Variants in DIAPH2 observed in about 807,000 individuals in gnomAD.
The protein encoded by DIAPH2 is protein diaphanous homolog 2.
In DIAPH2, 35 loss-of-function variants were observed where a neutral mutation model predicts 92.7. The ratio of observed to expected loss-of-function variants is 0.38; its 90% CI spans 0.29 to 0.50. The LOEUF (loss-of-function observed/expected upper bound fraction) is 0.50, where lower values mean the gene tolerates loss of function less well. Ranked by LOEUF, DIAPH2 falls within the 20% of genes least tolerant of loss-of-function variation. The pLI is 0.94. For synonymous variants in DIAPH2, 301 were observed against 280.4 expected, an observed-to-expected ratio of 1.07 and a Z score of -0.73; for missense variants, 701 against 819.5, an observed-to-expected ratio of 0.86 and a Z score of 1.77.
chrX:97,129,313 C>T (rs1234950112), intron 21 of DIAPH2, among the ~76,000 whole-genome samples: 1 of 108,089 alleles, frequency 9.3e-6, no homozygotes, highest in African/African-American at 3.4e-5. Flanking sequence ...ACTACAGGTG[C>T]ACACCACCGT....
chrX:96,773,582 C>T (rs2064355055), intron 4 of DIAPH2, among the ~76,000 whole-genome samples: 1 of 111,712 alleles, frequency 9.0e-6, no homozygotes, highest in Admixed American at 9.5e-5. Context: ...GGTGATGTGG[C>T]TCATGCCTGT....
intron 22 of DIAPH2, among the ~76,000 whole-genome samples, chrX:97,198,667 G>T (rs1164397497): frequency 9.0e-6 from 1 of 111,037 alleles, no homozygotes; most frequent in Non-Finnish European, 1.9e-5. Flanking sequence ...TTAAGCTAAT[G>T]ATCCATGCCA....
At chrX:97,122,316 T>TAGA (rs2067064049) in intron 21 of DIAPH2, among the ~76,000 whole-genome samples, 1 of 111,888 alleles carries the variant, frequency 8.9e-6, no homozygotes, top group African/African-American at 3.2e-5. Context: ...GCCTATATAT[T>TAGA]TGTAATAAAA....
intron 10 of DIAPH2, among the ~76,000 whole-genome samples, chrX:96,931,833 A>G (rs1228313985): frequency 9.0e-6 from 1 of 111,182 alleles, no homozygotes; most frequent in Non-Finnish European, 1.9e-5. Flanking sequence ...AATCCATTTT[A>G]ATAAGATGTA....
At chrX:97,410,048 G>C (rs138123628) in intron 25 of DIAPH2, among the ~76,000 whole-genome samples, 185 of 112,242 alleles carry the variant, frequency 1.6e-3, no homozygotes, top group African/African-American at 5.7e-3. Flanking sequence ...TTTGAGCTCT[G>C]AGAACAGACT....
At chrX:97,511,401 A>G (rs2070891390) in intron 26 of DIAPH2, among the ~76,000 whole-genome samples, 1 of 96,423 alleles carries the variant, frequency 1.0e-5, no homozygotes, top group South Asian at 5.3e-4. Context: ...GCTTGAGGAG[A>G]TTTTGTGCTG....
intron 9 of DIAPH2, among the ~76,000 whole-genome samples, chrX:96,926,959 A>C (rs1458260199): frequency 8.9e-6 from 1 of 111,743 alleles, no homozygotes; most frequent in Non-Finnish European, 1.9e-5. Context: ...GCCATTATAA[A>C]GACACTAAGC....
At chrX:96,852,540 C>G (rs769546953) in intron 4 of DIAPH2, among the ~76,000 whole-genome samples, 1 of 111,674 alleles carries the variant, frequency 9.0e-6, no homozygotes, top group African/African-American at 3.3e-5. Flanking sequence ...AGAGAGCACT[C>G]TCTGTTGAGA....
At chrX:97,509,095 G>A (rs1040886295) in intron 26 of DIAPH2, among the ~76,000 whole-genome samples, 7 of 108,402 alleles carry the variant, frequency 6.5e-5, no homozygotes, top group African/African-American at 2.3e-4. Flanking sequence ...CGCCGAGGCT[G>A]GAGTGCAGTG....
chrX:97,329,100 A>T (rs1435306049), intron 23 of DIAPH2, among the ~76,000 whole-genome samples: 1 of 112,142 alleles, frequency 8.9e-6, no homozygotes, highest in Non-Finnish European at 1.9e-5. Context: ...GGTTTCTCTT[A>T]TGCCCAGGTT....
chrX:97,070,889 A>T (rs2066665166), intron 17 of DIAPH2, among the ~76,000 whole-genome samples: 1 of 111,959 alleles, frequency 8.9e-6, no homozygotes, highest in South Asian at 3.7e-4. Context: ...TATTTTAATT[A>T]AAAAATGCAA....
chrX:97,598,175 A>G (rs1269515317), intron 26 of DIAPH2, among the ~76,000 whole-genome samples: 1 of 111,904 alleles, frequency 8.9e-6, no homozygotes, highest in Non-Finnish European at 1.9e-5. Flanking sequence ...GGAAATGAGT[A>G]GCAGCTTGGG....
chrX:97,489,060 G>T (rs2070707765), intron 26 of DIAPH2, among the ~76,000 whole-genome samples: 1 of 111,552 alleles, frequency 9.0e-6, no homozygotes, highest in South Asian at 3.7e-4. Context: ...ACAATATTAA[G>T]TCTTTCACTG....
intron 21 of DIAPH2, among the ~76,000 whole-genome samples, chrX:97,130,391 C>CAT (rs1323836613): frequency 9.0e-6 from 1 of 111,562 alleles, no homozygotes; most frequent in East Asian, 2.8e-4. Context: ...CAAAGTGTGG[C>CAT]ATATATACAA....
At chrX:97,295,477 A>G (rs1165167010) in intron 23 of DIAPH2, among the ~76,000 whole-genome samples, 1 of 111,774 alleles carries the variant, frequency 8.9e-6, no homozygotes, top group East Asian at 2.8e-4. Context: ...AAACATAGTG[A>G]TTCTATAAAA....
At chrX:97,215,161 A>G (rs1407372481) in intron 22 of DIAPH2, among the ~76,000 whole-genome samples, 2 of 111,740 alleles carry the variant, frequency 1.8e-5, no homozygotes, top group African/African-American at 6.5e-5. Context: ...TGATCTCATC[A>G]AATCTGTCTC....
chrX:97,363,763 G>A (rs1431317164), intron 24 of DIAPH2, among the ~76,000 whole-genome samples: 1 of 106,638 alleles, frequency 9.4e-6, no homozygotes, highest in Non-Finnish European at 1.9e-5. Context: ...TATTTAAGAA[G>A]ATAGACAATA....
intron 23 of DIAPH2, among the ~76,000 whole-genome samples, chrX:97,275,740 C>T (rs998427014): frequency 3.6e-5 from 4 of 109,960 alleles, no homozygotes; most frequent in Non-Finnish European, 7.6e-5. Flanking sequence ...CAGAGACGCT[C>T]CTCACTTCCT....
rs189078072 is a variant in DIAPH2, at chrX:97,437,297, T to C, written c.3241+7552T>C. On this transcript the variant is annotated intron_variant, in intron 26 of 26. Transcript: ENST00000324765. ...CCCCATTTAGTCTATAATACATTCA[T>C]TATATTGTAATATACAATTAAAATC... is the stretch of plus-strand genomic sequence containing the variant. Among the ~76,000 whole-genome samples the C allele has an allele frequency of 2.7e-5, 3 of 112,099 alleles. No homozygotes were observed. In the Admixed American group the frequency reaches 2.9e-4, roughly 11 times the overall value.
Sources: allele counts gnomAD v4.1 joint callset (sites outside exome capture counted in the v4.1 genomes callset), GRCh38; gene constraint gnomAD v4.1.1; transcripts MANE v1.5; gene names NCBI Gene and HGNC (gene_info 2026-07-23, HGNC 2026-07-21).